The following RYR3 variants were observed in gnomAD, a reference collection of about 807,000 sequenced individuals.
The protein encoded by RYR3 is ryanodine receptor 3.
In RYR3, 207 loss-of-function variants were observed where a neutral mutation model predicts 584.3. The ratio of observed to expected loss-of-function variants is 0.35; its 90% confidence interval spans 0.32 to 0.40. The LOEUF is 0.40. Ranked by LOEUF, RYR3 falls within the 10% of genes least tolerant of loss-of-function variation. The pLI, the probability that RYR3 is intolerant of heterozygous loss-of-function variation, is 1.00. For missense variants in RYR3, 5,616 were observed against 6,089.2 expected, an observed-to-expected ratio of 0.92 and a Z score of 2.59; for synonymous variants, 2,416 against 2,248.5, an observed-to-expected ratio of 1.07 and a Z score of -2.11.
intron 1 of RYR3, among the ~76,000 whole-genome samples, chr15:33,437,629 G>C (rs1381646249): frequency 6.6e-6 from 1 of 152,240 alleles, no homozygotes; most frequent in African/African-American, 2.4e-5. Flanking sequence ...TAACTGTTGA[G>C]TGAGCCAGCT....
intron 3 of RYR3, among the ~76,000 whole-genome samples, chr15:33,508,529 A>G (rs1310831486): frequency 3.3e-5 from 5 of 152,198 alleles, no homozygotes; most frequent in African/African-American, 1.2e-4. Context: ...GGGCGCCTGT[A>G]GTCCCAGCGA....
chr15:33,600,012 G>A (rs547202585), intron 16 of RYR3, among the ~76,000 whole-genome samples: 16 of 152,254 alleles, frequency 1.1e-4, no homozygotes, highest in Non-Finnish European at 1.6e-4. Flanking sequence ...GTAATAGGCC[G>A]ACTGAAAAGT....
intron 95 of RYR3, 126 bp from the exon 96 acceptor site, chr15:33,853,429 G>A: frequency 8.2e-7 from 1 of 1,220,430 alleles, no homozygotes; most frequent in Non-Finnish European, 1.1e-6. Context: ...TCTGCATTTT[G>A]AACTATGTCT....
At chr15:33,488,649 G>C (rs867397815) in intron 2 of RYR3, among the ~76,000 whole-genome samples, 1 of 152,028 alleles carries the variant, frequency 6.6e-6, no homozygotes, top group Non-Finnish European at 1.5e-5. Flanking sequence ...TCAGGAGATC[G>C]AGACCATCCT....
intron 1 of RYR3, among the ~76,000 whole-genome samples, chr15:33,359,896 T>C (rs1327110153): frequency 6.6e-6 from 1 of 151,998 alleles, no homozygotes; most frequent in East Asian, 1.9e-4. Flanking sequence ...GCTGGGATTA[T>C]AGGCGTGAGC....
chr15:33,392,795 A>G (rs138004673), intron 1 of RYR3, among the ~76,000 whole-genome samples: 15 of 152,348 alleles, frequency 9.8e-5, no homozygotes, highest in African/African-American at 3.6e-4. Context: ...CAGAAACCCA[A>G]CTGGATGAAA....
rs540596438 is a variant in RYR3 at position 33,566,967 on chromosome 15, G to A, written c.1268+168G>A. Among the ~76,000 whole-genome samples, 97 of 152,246 alleles carry A rather than the reference G, an allele frequency of 6.4e-4. 1 individual carries two copies. Among genetic ancestry groups the A allele is most frequent in the African/African-American group, 2.2e-3 (91 of 41,532 alleles). ...ACTGAAACATATTTCCTACATAGGC[G>A]AACTCCTACTAGCTTCACCCTTTGT... On this transcript the variant is annotated intron_variant, in intron 12 of 103. Transcript: ENST00000634891.
chr15:33,436,385 T>G (rs1402004530), intron 1 of RYR3, among the ~76,000 whole-genome samples: 2 of 152,238 alleles, frequency 1.3e-5, no homozygotes, highest in Non-Finnish European at 2.9e-5. Context: ...CTTTTCCAAA[T>G]AATTCATACT....
chr15:33,389,599 T>C lies in RYR3; in HGVS notation c.51+78503T>C, dbSNP rs143842333. ...CTGTCTCCTACCGCAGCAAGTAATG[T>C]AATGGAGTGACAATTATGACATCTA... On this transcript the variant is annotated intron_variant, in intron 1 of 103. Coordinates refer to ENST00000634891, the MANE Select transcript of RYR3 (RefSeq NM_001036.6). Among the ~76,000 whole-genome samples the C allele has an allele frequency of 1.7e-4, 26 of 152,304 alleles. 2 individuals are homozygous for C. The highest frequency in any genetic ancestry group is 6.8e-3 in the Middle Eastern group (2 of 294).
In RYR3 at chr15:33,859,747, G is replaced by T; in HGVS notation, c.14299+16G>T. ...ATCATTCAAGGTATGATTGCCAATT[G>T]TGTTGAGTATGAACAGGGTTTAATC... On this transcript the variant is annotated intron_variant, in intron 100 of 103. Transcript: ENST00000634891. The T allele has an allele frequency of 6.3e-7, 1 of 1,598,082 alleles. No individual in the cohort carries two copies. Among genetic ancestry groups the T allele is most frequent in the Non-Finnish European group, 8.5e-7 (1 of 1,171,032 alleles).
intron 42 of RYR3, among the ~76,000 whole-genome samples, chr15:33,704,089 G>C (rs1272592917): frequency 6.6e-6 from 1 of 152,014 alleles, no homozygotes; most frequent in East Asian, 1.9e-4. Flanking sequence ...GGCCAACATA[G>C]CAAAACCCCA....
At chr15:33,618,794 A>T (rs1452870213) in intron 19 of RYR3, among the ~76,000 whole-genome samples, 1 of 152,214 alleles carries the variant, frequency 6.6e-6, no homozygotes, top group Non-Finnish European at 1.5e-5. Context: ...TAACGAAAGG[A>T]AAGTTAGTCA....
chr15:33,536,547 C>T (rs1268102168), intron 5 of RYR3, among the ~76,000 whole-genome samples: 1 of 152,192 alleles, frequency 6.6e-6, no homozygotes, highest in Non-Finnish European at 1.5e-5. Flanking sequence ...CCATCCCTGG[C>T]TCCAGAGTGT....
chr15:33,478,331 C>T (rs983940684), intron 2 of RYR3, among the ~76,000 whole-genome samples: 26 of 152,154 alleles, frequency 1.7e-4, no homozygotes, highest in African/African-American at 6.3e-4. Flanking sequence ...TGAGAGGGTC[C>T]ACGTCAGGCA....
intron 103 of RYR3, 128 bp downstream of exon 103, chr15:33,864,317 C>G (rs1889649480): frequency 4.3e-6 from 3 of 694,768 alleles, no homozygotes; most frequent in South Asian, 4.1e-5. Flanking sequence ...TTCCCATCAC[C>G]TTTTTGTGAC....
chr15:33,473,512 T>A lies in RYR3; in HGVS notation c.145T>A (p.Phe49Ile). The A allele has an allele frequency of 6.2e-7, 1 of 1,613,982 alleles. No individual in the cohort carries two copies. Among genetic ancestry groups the A allele is most frequent in the East Asian group, 2.2e-5 (1 of 44,868 alleles). The change falls in exon 2 of 104, where the codon TTC becomes ATC. Residue 49 changes from phenylalanine (F) to isoleucine (I), a missense_variant. Phe to Ile is a conservative substitution (Grantham distance 21). Coordinates refer to ENST00000634891, the MANE Select transcript of RYR3 (RefSeq NM_001036.6). ...CGAGGGACTTGGGAATCGCCTGTGCTTCTTGGAACCCACTTCAGAAGCCAA... is the reference window on the plus strand; with the variant it reads ...CGAGGGACTTGGGAATCGCCTGTGCATCTTGGAACCCACTTCAGAAGCCAA... ...AAEGLGNRLC[F>I]LEPTSEAKYI...
chr15:33,505,423 T>C (rs191978619), intron 3 of RYR3, among the ~76,000 whole-genome samples: 3 of 152,374 alleles, frequency 2.0e-5, no homozygotes, highest in African/African-American at 7.2e-5. Flanking sequence ...TCTGGGTTCA[T>C]TTCCCTGTTC....
At chr15:33,457,916 T>A (rs1455901835) in intron 1 of RYR3, among the ~76,000 whole-genome samples, 1 of 152,194 alleles carries the variant, frequency 6.6e-6, no homozygotes, top group Non-Finnish European at 1.5e-5. Context: ...CATTCACACC[T>A]TGTCATGGAG....
At chr15:33,481,750 G>A (rs558167553) in intron 2 of RYR3, among the ~76,000 whole-genome samples, 133 of 151,020 alleles carry the variant, frequency 8.8e-4, no homozygotes, top group African/African-American at 3.2e-3. Flanking sequence ...CCAAAGTGCT[G>A]GGATTACAGG....
Sources: gnomAD v4.1 joint callset for allele counts (sites outside exome capture counted in the v4.1 genomes callset) on GRCh38, gnomAD v4.1.1 for gene constraint, MANE v1.5 for transcripts, NCBI Gene and HGNC (gene_info 2026-07-23, HGNC 2026-07-21) for gene names.